Variants in PCNX2 observed in about 807,000 individuals in gnomAD.
PCNX2 encodes pecanex 2.
PCNX2 carries 168 observed loss-of-function variants against 223.8 expected under a neutral mutation model. The ratio of observed to expected loss-of-function variants is 0.75; its 90% CI spans 0.66 to 0.85. The LOEUF (loss-of-function observed/expected upper bound fraction) is 0.85. Ranked by LOEUF, PCNX2 falls within the 40% of genes least tolerant of loss-of-function variation. PCNX2 has a pLI of 0.00. For synonymous variants in PCNX2, 1,006 were observed against 1,052.6 expected (o/e 0.96, Z 0.86); for missense variants, 2,507 against 2,675.5 (o/e 0.94, Z 1.39).
chr1:233,093,071 T>C (rs1673969640), intron 22 of PCNX2, among the ~76,000 whole-genome samples: 1 of 152,178 alleles, frequency 6.6e-6, no homozygotes, highest in Non-Finnish European at 1.5e-5. Flanking sequence ...AGTGCTGGGA[T>C]TACAGGCGTG....
chr1:233,227,076 A>T (rs1416436575), intron 10 of PCNX2, 150 bp downstream of exon 10: 1 of 807,092 alleles, frequency 1.2e-6, no homozygotes, highest in Non-Finnish European at 1.7e-6. Context: ...TGTTGTCAGG[A>T]TCTTTTTGCT....
intron 23 of PCNX2, 93 bp from the exon 24 acceptor site, chr1:233,057,383 C>A: frequency 1.1e-6 from 1 of 933,836 alleles, no homozygotes; most frequent in Non-Finnish European, 1.7e-6. Flanking sequence ...GTGGAAAATG[C>A]AAAGGTGACA....
rs942394336 is a variant in PCNX2, at chr1:233,177,880, C to A, written c.3195G>T (p.Arg1065Ser). The A allele has an allele frequency of 2.5e-6, 4 of 1,613,800 alleles. No homozygotes were observed. In the East Asian group the frequency reaches 6.7e-5, roughly 27 times the overall value. Reference protein sequence around the residue: ...PSVLMSFIQCRLFPKFLHQNL... With the variant: ...PSVLMSFIQCSLFPKFLHQNL... Reference sequence around the variant, plus strand: ...TTTGATGTAAAAATTTAGGAAACAGCCTGCATTGGATGAAGGACCTGAAAG... The same window carrying A: ...TTTGATGTAAAAATTTAGGAAACAGACTGCATTGGATGAAGGACCTGAAAG... Residue 1065 changes from arginine to serine, a missense_variant, in exon 17 of 34, where the codon AGG (arginine) becomes AGT (serine). Transcript: ENST00000258229.
At chr1:233,109,432 G>T (rs934482453) in intron 21 of PCNX2, among the ~76,000 whole-genome samples, 3 of 152,192 alleles carry the variant, frequency 2.0e-5, no homozygotes, top group Non-Finnish European at 2.9e-5. Flanking sequence ...GGAAAACAAC[G>T]CCGGATGAAA....
intron 24 of PCNX2, among the ~76,000 whole-genome samples, chr1:233,056,820 T>C (rs1242266865): frequency 6.6e-6 from 1 of 152,226 alleles, no homozygotes; most frequent in African/African-American, 2.4e-5. Flanking sequence ...CATAGCTTAA[T>C]GTTGACCAAA....
chr1:233,073,260 G>C (rs1672936052), intron 23 of PCNX2, among the ~76,000 whole-genome samples: 1 of 152,078 alleles, frequency 6.6e-6, no homozygotes. Flanking sequence ...AGCAATTATA[G>C]TACGTTGAGT....
At chr1:232,992,987 C>T (rs1298339559) in intron 32 of PCNX2, among the ~76,000 whole-genome samples, 1 of 152,164 alleles carries the variant, frequency 6.6e-6, no homozygotes, top group East Asian at 1.9e-4. Context: ...TTATAAATTA[C>T]CCAGTCTCAG....
chr1:232,998,361 G>A lies in PCNX2; in HGVS notation c.5681C>T (p.Thr1894Ile). 1 of 1,613,278 alleles carries A rather than the reference G, an allele frequency of 6.2e-7. No homozygotes were observed. The highest frequency in any genetic ancestry group is 8.5e-7 in the Non-Finnish European group (1 of 1,179,676). The change falls in exon 32 of 34, where the codon ACA becomes ATA. Residue 1894 changes from threonine (T) to isoleucine (I), a missense_variant. Coordinates refer to ENST00000258229, the MANE Select transcript of PCNX2 (RefSeq NM_014801.4). ...ACCACTCGGGGCATTGTTGCCACCT[G>A]TCGTCGGGGCCCCTCCTCCGTCCAC... ...EDVDGGGAPTTGGNNAPSGGS... is the reference protein window; with the variant it reads ...EDVDGGGAPTIGGNNAPSGGS...
chr1:233,247,121 G>A (rs371950672), intron 8 of PCNX2, among the ~76,000 whole-genome samples: 24 of 152,334 alleles, frequency 1.6e-4, no homozygotes, highest in African/African-American at 5.8e-4. Flanking sequence ...ATCGTCTGAC[G>A]GACATAGGAC....
intron 15 of PCNX2, among the ~76,000 whole-genome samples, chr1:233,188,879 C>T (rs1680261264): frequency 1.3e-5 from 2 of 152,194 alleles, no homozygotes; most frequent in Non-Finnish European, 2.9e-5. Flanking sequence ...GGGACCATAA[C>T]TACATCTGCG....
At position 233,263,003 on chromosome 1, in the gene PCNX2, T is replaced by G. The variant is rs143350155; in HGVS notation, c.314A>C (p.Asp105Ala). ...TATGTGTTCACCTTTGGCCTCCTTG[T>G]CTTTATTTGGCTTTTCTTCCTTTCT... Reference protein sequence around the residue: ...PSRKEEKPNKDKEAKGEHITN... With the variant: ...PSRKEEKPNKAKEAKGEHITN... Residue 105 changes from aspartate (D) to alanine (A), a missense_variant, in exon 2 of 34, where the codon GAC becomes GCC. Asp to Ala is a moderately radical substitution (Grantham distance 126). This residue lies in a region of PCNX2 where 1,031 missense variants were observed against 1,021.7 expected (regional missense o/e 1.01). Transcript: ENST00000258229. 2,718 of 1,613,786 alleles carry G rather than the reference T, an allele frequency of 1.7e-3. 5 individuals are homozygous for G. Among genetic ancestry groups the G allele is most frequent in the Admixed American group, 2.8e-3 (171 of 60,028 alleles).
chr1:233,025,508 G>A (rs1426076964), intron 25 of PCNX2, 109 bp from the exon 26 acceptor site: 40 of 1,372,612 alleles, frequency 2.9e-5, no homozygotes, highest in Non-Finnish European at 3.3e-5. Context: ...GAAGGGAGTC[G>A]AGGAATCAGG....
At chr1:233,308,627 G>T in the PCNX2 span, among the ~76,000 whole-genome samples, 1 of 152,168 alleles carries the variant, frequency 6.6e-6, no homozygotes, top group East Asian at 1.9e-4. Flanking sequence ...ATAAAGCTGG[G>T]TGGTAGAGAA....
intron 22 of PCNX2, among the ~76,000 whole-genome samples, chr1:233,091,258 G>A (rs777365886): frequency 2.6e-5 from 4 of 152,084 alleles, no homozygotes; most frequent in Non-Finnish European, 5.9e-5. Flanking sequence ...CTGGGAAGTT[G>A]TTGACAGCTG....
At chr1:233,060,237 T>C (rs1672355300) in intron 23 of PCNX2, among the ~76,000 whole-genome samples, 1 of 152,230 alleles carries the variant, frequency 6.6e-6, no homozygotes, top group South Asian at 2.1e-4. Flanking sequence ...TAATGAAGGC[T>C]GAAGTCCCAC....
chr1:233,219,505 T>A (rs551073748), intron 10 of PCNX2, among the ~76,000 whole-genome samples: 10 of 152,214 alleles, frequency 6.6e-5, no homozygotes, highest in Admixed American at 1.3e-4. Context: ...ATTCTGAGTA[T>A]ACTTCTCACC....
intron 21 of PCNX2, among the ~76,000 whole-genome samples, chr1:233,130,389 C>T (rs1348701223): frequency 6.6e-6 from 1 of 151,816 alleles, no homozygotes; most frequent in African/African-American, 2.4e-5. Context: ...TCTCACCCAC[C>T]GTCTCGATAC....
At chr1:233,183,423 C>G (rs1388661084) in intron 15 of PCNX2, among the ~76,000 whole-genome samples, 1 of 152,150 alleles carries the variant, frequency 6.6e-6, no homozygotes, top group Non-Finnish European at 1.5e-5. Context: ...TTCATAATGA[C>G]TCATGTGGAC....
intron 15 of PCNX2, among the ~76,000 whole-genome samples, chr1:233,188,028 G>C (rs1680204880): frequency 6.6e-6 from 1 of 152,162 alleles, no homozygotes; most frequent in African/African-American, 2.4e-5. Context: ...GTTATCGTTG[G>C]TATTAGCTTT....
Sources: gnomAD v4.1 joint callset for allele counts (sites outside exome capture counted in the v4.1 genomes callset) on GRCh38, gnomAD v4.1.1 for gene constraint, gnomAD v4.1.1 regional missense constraint, MANE v1.5 for transcripts, NCBI Gene and HGNC (gene_info 2026-07-23, HGNC 2026-07-21) for gene names.